The following MEF2C variants were observed in gnomAD, a reference collection of about 807,000 sequenced individuals.
MEF2C encodes the protein myocyte-specific enhancer factor 2C.
Under a neutral mutation model 50.5 loss-of-function variants are expected in MEF2C, and 6 were observed. The observed-to-expected ratio is 0.12, with a 90% confidence interval of 0.07 to 0.23. The LOEUF is 0.23. Ranked by LOEUF, MEF2C falls within the 10% of genes least tolerant of loss-of-function variation. The pLI is 1.00. For missense variants in MEF2C, 276 were observed against 605.0 expected (o/e 0.46, Z 5.70); for synonymous variants, 183 against 228.0 (o/e 0.80, Z 1.78).
chr5:88,848,676 A>G (rs1820176309), intron 1 of MEF2C, among the ~76,000 whole-genome samples: 1 of 152,168 alleles, frequency 6.6e-6, no homozygotes, highest in African/African-American at 2.4e-5. Flanking sequence ...TGGTAAAAAA[A>G]TTGACACTCC....
intron 1 of MEF2C, among the ~76,000 whole-genome samples, chr5:88,876,684 T>C (rs1029650474): frequency 1.3e-5 from 2 of 152,004 alleles, no homozygotes; most frequent in African/African-American, 4.8e-5. Flanking sequence ...GCACATTCTC[T>C]TGCTATCCTT....
At chr5:88,734,594 T>TAAAA in intron 6 of MEF2C, 1 of 732,444 alleles carries the variant, frequency 1.4e-6, no homozygotes, top group Non-Finnish European at 1.6e-6. Flanking sequence ...TTTTTTTTTT[T>TAAAA]TTTTAGCATT....
intron 6 of MEF2C, chr5:88,741,539 G>A (rs1159899349): frequency 7.7e-5 from 76 of 985,190 alleles, no homozygotes; most frequent in Non-Finnish European, 8.7e-5. Context: ...GGTTTTCACT[G>A]AGTTGCTTAA....
chr5:88,818,500 T>C (rs1434007643), intron 2 of MEF2C, among the ~76,000 whole-genome samples: 1 of 151,912 alleles, frequency 6.6e-6, no homozygotes, highest in East Asian at 1.9e-4. Context: ...TAGCATAAGC[T>C]AGAAGCTGGT....
At chr5:88,764,713 CA>C (rs1314457619) in intron 3 of MEF2C, among the ~76,000 whole-genome samples, 1 of 146,096 alleles carries the variant, frequency 6.8e-6, no homozygotes, top group African/African-American at 2.6e-5. Context: ...GAGGCTGACA[CA>C]GGAAAATCAC....
intron 6 of MEF2C, chr5:88,733,657 TC>T (rs1335222925): frequency 2.0e-6 from 2 of 985,260 alleles, no homozygotes; most frequent in Non-Finnish European, 2.4e-6. Flanking sequence ...GATTTGTTCT[TC>T]ATATCCCATT....
intron 4 of MEF2C, among the ~76,000 whole-genome samples, chr5:88,759,095 C>A (rs1324587367): frequency 6.6e-6 from 1 of 152,196 alleles, no homozygotes; most frequent in African/African-American, 2.4e-5. Context: ...TAAGGTACTC[C>A]GCCTTAACAT....
rs1761775496 is a variant in MEF2C at position 88,731,772 on chromosome 5, C to T, written c.767G>A (p.Arg256Gln). 1.9e-6 allele frequency: 3 copies of T among 1,613,340 alleles called. No homozygotes were observed. The highest frequency in any genetic ancestry group is 1.1e-5 in the South Asian group (1 of 91,074). ...LGMNNRKPDL[R>Q]VLIPPGSKNT... is the part of the protein sequence containing the mutation. ...CTTGCTGCCTGGTGGAATAAGAACT[C>T]GGAGATCTGGTTTACGGTTATTCAT... Residue 256 changes from arginine to glutamine, a missense_variant, in exon 7 of 11, where the codon CGA becomes CAA. Arg to Gln is a conservative substitution (Grantham distance 43). Coordinates refer to ENST00000504921, the MANE Select transcript of MEF2C (RefSeq NM_002397.5).
At chr5:88,894,044 A>G (rs556830662) in intron 1 of MEF2C, among the ~76,000 whole-genome samples, 1 of 152,366 alleles carries the variant, frequency 6.6e-6, no homozygotes, top group South Asian at 2.1e-4. Flanking sequence ...CTATCTTATT[A>G]GAATGTGGGT....
intron 3 of MEF2C, chr5:88,770,106 A>G (rs973581218): frequency 1.6e-6 from 1 of 614,784 alleles, no homozygotes; most frequent in Non-Finnish European, 2.0e-6. Flanking sequence ...TGAGAGAGGA[A>G]AGGAGTAAAT....
intron 6 of MEF2C, chr5:88,737,975 A>G: frequency 1.0e-6 from 1 of 985,398 alleles, no homozygotes; most frequent in Non-Finnish European, 1.2e-6. Flanking sequence ...AGGGGGTTGG[A>G]CTGCTGTTAG....
chr5:88,804,535 C>G (rs1351426426), intron 3 of MEF2C, 63 bp downstream of exon 3: 9 of 1,432,764 alleles, frequency 6.3e-6, no homozygotes, highest in Non-Finnish European at 8.8e-6. Flanking sequence ...GTGTGTGTGG[C>G]AGGGGGAGGT....
intron 1 of MEF2C, among the ~76,000 whole-genome samples, chr5:88,863,638 T>C (rs1295238345): frequency 6.6e-6 from 1 of 152,154 alleles, no homozygotes. Context: ...TGTCTCCCCT[T>C]TCCCCATCCA....
At chr5:88,734,376 A>G in intron 6 of MEF2C, 4 of 985,316 alleles carry the variant, frequency 4.1e-6, no homozygotes, top group Non-Finnish European at 4.8e-6. Flanking sequence ...AAGCAGTGCA[A>G]TGAAGCTTGA....
chr5:88,865,486 T>C (rs568492885), intron 1 of MEF2C, among the ~76,000 whole-genome samples: 7 of 152,322 alleles, frequency 4.6e-5, no homozygotes, highest in African/African-American at 1.7e-4. Context: ...AATTATCTTT[T>C]ATAGAATTAG....
intron 1 of MEF2C, among the ~76,000 whole-genome samples, chr5:88,889,994 G>T (rs1273959696): frequency 6.6e-6 from 1 of 152,200 alleles, no homozygotes; most frequent in East Asian, 1.9e-4. Flanking sequence ...AGCAAGAGGG[G>T]CTCTGCAGGT....
chr5:88,786,398 C>T (rs554381852), intron 3 of MEF2C, among the ~76,000 whole-genome samples: 1 of 152,186 alleles, frequency 6.6e-6, no homozygotes, highest in African/African-American at 2.4e-5. Flanking sequence ...AAGAATGTTG[C>T]ACAGGCATGT....
intron 2 of MEF2C, among the ~76,000 whole-genome samples, chr5:88,810,765 C>A (rs1802436404): frequency 6.6e-6 from 1 of 152,038 alleles, no homozygotes; most frequent in Non-Finnish European, 1.5e-5. Context: ...TCCCAGGAGA[C>A]ATTTTTGTCA....
intron 7 of MEF2C, among the ~76,000 whole-genome samples, chr5:88,730,918 C>G (rs944931873): frequency 6.6e-6 from 1 of 152,150 alleles, no homozygotes; most frequent in African/African-American, 2.4e-5. Context: ...TTTAAACGTT[C>G]TTGCTCTTAA....
Sources: allele counts gnomAD v4.1 joint callset (sites outside exome capture counted in the v4.1 genomes callset), GRCh38; gene constraint gnomAD v4.1.1; transcripts MANE v1.5; gene names NCBI Gene and HGNC (gene_info 2026-07-23, HGNC 2026-07-21).